Variants in EFCAB14 observed in about 807,000 individuals in gnomAD.
The protein encoded by EFCAB14 is EF-hand calcium binding domain 14, also known as EF-hand calcium-binding domain-containing protein 14.
A neutral mutation model predicts 56.5 loss-of-function variants in EFCAB14; 43 were observed. The observed-to-expected ratio is 0.76, with a 90% confidence interval of 0.60 to 0.98. The LOEUF is 0.98. Ranked by LOEUF, EFCAB14 falls within the 50% of genes least tolerant of loss-of-function variation. EFCAB14 has a pLI of 0.00. For missense variants in EFCAB14, 538 were observed against 580.3 expected, an observed-to-expected ratio of 0.93 and a Z score of 0.75; for synonymous variants, 235 against 212.9, an observed-to-expected ratio of 1.10 and a Z score of -0.90.
chr1:46,715,990 G>A (rs572152894), intron 2 of EFCAB14, among the ~76,000 whole-genome samples: 21 of 152,176 alleles, frequency 1.4e-4, no homozygotes, highest in Middle Eastern at 3.4e-3. Flanking sequence ...GCTCACGCCT[G>A]TAATCCTGGC....
Position 46,716,270 on chromosome 1 carries a change from AAAAAG to A in EFCAB14, c.334+20_334+24del. 2.6e-6 allele frequency: 4 copies of A among 1,521,076 alleles called. No homozygotes were observed. Among genetic ancestry groups the A allele is most frequent in the East Asian group, 4.7e-5 (2 of 42,656 alleles). The allele number at this position is 1,521,076 out of a possible 1,614,324, so 94.2% of individuals were successfully genotyped here. Reference sequence around the variant, plus strand: ...TCTCAAAAAAAAAAAAAAAAAAAAAAAAAAGAGAGTAACCACTTACTTACTTGTTC... The same window carrying A: ...TCTCAAAAAAAAAAAAAAAAAAAAAAAGAGTAACCACTTACTTACTTGTTC... On this transcript the variant is annotated intron_variant, in intron 2 of 10. Transcript: ENST00000371933.
In EFCAB14 at chr1:46,696,123, T is replaced by TA. The variant is rs1363762245; in HGVS notation, c.579+427dup. On this transcript the variant is annotated intron_variant, in intron 4 of 10. Transcript: ENST00000371933. ...CCAGGTCATCTTTTTTTTTTTTTTT[T>TA]AACTTTCTTAATTATGGAAAGTAAC... is the stretch of plus-strand genomic sequence containing the variant. Among the ~76,000 whole-genome samples, 3 of 151,606 alleles carry TA rather than the reference T, an allele frequency of 2.0e-5. No individual in the cohort carries two copies. In the East Asian group the frequency reaches 5.8e-4, roughly 29 times the overall value.
rs756776637 is a variant in EFCAB14 at position 46,683,386 on chromosome 1, G to T, written c.1226C>A (p.Pro409Gln). ...ESFTSKPSAL[P>Q]KFSQFLGDPV... ...GTCTCCAAGAAACTGTGAAAATTTTGGCAATGCTGATGGCTTTGATGTGAA... is the reference window on the plus strand; with the variant it reads ...GTCTCCAAGAAACTGTGAAAATTTTTGCAATGCTGATGGCTTTGATGTGAA... Residue 409 changes from proline to glutamine, a missense_variant, in exon 10 of 11, where the codon CCA (proline) becomes CAA (glutamine). Pro to Gln is a moderately conservative substitution (Grantham distance 76). Transcript: ENST00000371933. 2.6e-5 allele frequency: 42 copies of T among 1,613,866 alleles called. No individual in the cohort carries two copies. Among genetic ancestry groups the T allele is most frequent in the Non-Finnish European group, 3.4e-5 (40 of 1,179,974 alleles).
rs1407500246 is a variant in EFCAB14 at position 46,677,175 on chromosome 1, G to A, written c.*1286C>T. 2 of 152,578 alleles carry A rather than the reference G, an allele frequency of 1.3e-5. No homozygotes were observed. The highest frequency in any genetic ancestry group is 2.4e-5 in the African/African-American group (1 of 41,424). The allele number at this position is 152,578 out of a possible 1,614,324, so 9.5% of individuals were successfully genotyped here. ...GATCTTTCATGCCAGGTCCACAGAA[G>A]CATTTAAAGGAAGTATTGTACTTGA... On this transcript the variant is annotated 3_prime_UTR_variant, in exon 11 of 11. Coordinates refer to ENST00000371933, the MANE Select transcript of EFCAB14 (RefSeq NM_014774.3).
chr1:46,694,315 T>C (rs1677045724), intron 4 of EFCAB14, among the ~76,000 whole-genome samples: 1 of 152,202 alleles, frequency 6.6e-6, no homozygotes, highest in South Asian at 2.1e-4. Flanking sequence ...AAGAAAATTT[T>C]TGCAATCTCC....
rs11806104 is a variant in EFCAB14, at chr1:46,709,971, G to A, written c.335-1920C>T. Among the ~76,000 whole-genome samples, 899 of 152,132 alleles carry A rather than the reference G, an allele frequency of 5.9e-3. 5 individuals carry two copies. The highest frequency in any genetic ancestry group is 0.021 in the African/African-American group (860 of 41,500). ...CCACCGCACTCCAGCCTGTGCGGCC[G>A]GAGCGAGACTCCATCTCAAAAACAA... On this transcript the variant is annotated intron_variant, in intron 2 of 10. Coordinates refer to ENST00000371933, the MANE Select transcript of EFCAB14 (RefSeq NM_014774.3).
chr1:46,712,144 T>C (rs927993898), intron 2 of EFCAB14, among the ~76,000 whole-genome samples: 1 of 152,208 alleles, frequency 6.6e-6, no homozygotes, highest in African/African-American at 2.4e-5. Context: ...CTAGGACCAG[T>C]ACTTTTTCTA....
intron 2 of EFCAB14, 77 bp from the exon 3 acceptor site, chr1:46,708,128 A>T: frequency 1.5e-6 from 2 of 1,360,004 alleles, no homozygotes; most frequent in Non-Finnish European, 2.0e-6. Flanking sequence ...ATCATCAAAC[A>T]GTAGGAAAGA....
At chr1:46,701,837 A>T (rs938172114) in intron 3 of EFCAB14, among the ~76,000 whole-genome samples, 1 of 152,236 alleles carries the variant, frequency 6.6e-6, no homozygotes, top group African/African-American at 2.4e-5. Flanking sequence ...ACTGTTCCCT[A>T]GGACTTGGCT....
chr1:46,701,784 A>T (rs1677162314), intron 3 of EFCAB14, among the ~76,000 whole-genome samples: 1 of 152,238 alleles, frequency 6.6e-6, no homozygotes, highest in South Asian at 2.1e-4. Context: ...GGTACCAAAC[A>T]TCACTTAGGT....
At position 46,692,953 on chromosome 1, in the gene EFCAB14, C is replaced by A. The variant is rs180777984; in HGVS notation, c.580-1016G>T. ...TCTCTCACAAACTGCCTCTGTCAAT[C>A]CCTGCTGTGGGAAGGCAGATGGCCG... On this transcript the variant is annotated intron_variant, in intron 4 of 10. Transcript: ENST00000371933. Among the ~76,000 whole-genome samples, 6 of 152,324 alleles carry A rather than the reference C, an allele frequency of 3.9e-5. No homozygotes were observed. The East Asian group carries it at 1.2e-3, about 29-fold the overall frequency.
chr1:46,704,624 C>G (rs992972568), intron 3 of EFCAB14, among the ~76,000 whole-genome samples: 5 of 152,160 alleles, frequency 3.3e-5, no homozygotes, highest in Non-Finnish European at 7.3e-5. Context: ...GACTTCCCAG[C>G]CCCTGTTGTT....
intron 3 of EFCAB14, among the ~76,000 whole-genome samples, chr1:46,698,494 G>T (rs1677107848): frequency 6.6e-6 from 1 of 152,164 alleles, no homozygotes; most frequent in African/African-American, 2.4e-5. Flanking sequence ...CTTGACAGGA[G>T]TGACTGGGTA....
chr1:46,700,978 AGT>A (rs1553123113), intron 3 of EFCAB14, among the ~76,000 whole-genome samples: 5 of 95,188 alleles, frequency 5.3e-5, no homozygotes, highest in African/African-American at 2.3e-4. Context: ...AGAGAGAGAG[AGT>A]GAGTGAGTGT....
In EFCAB14 at chr1:46,691,919, T is replaced by C. The variant is rs1464082796; in HGVS notation, c.598A>G (p.Asn200Asp). ...GLQKSVASIG[N>D]TLNSVHLAVE... ...GCAAGATGGACGCTGTTTAAAGTAT[T>C]GCCAATGGAAGCTACACTCTGAATG... Residue 200 changes from asparagine (N) to aspartate (D), a missense_variant, in exon 5 of 11, where the codon AAT becomes GAT. Coordinates refer to ENST00000371933, the MANE Select transcript of EFCAB14 (RefSeq NM_014774.3). 2 of 1,613,102 alleles carry C rather than the reference T, an allele frequency of 1.2e-6. No homozygotes were observed. The highest frequency in any genetic ancestry group is 1.3e-5 in the African/African-American group (1 of 74,854).
chr1:46,681,610 A>C (rs1239357667), intron 10 of EFCAB14, among the ~76,000 whole-genome samples: 2 of 152,072 alleles, frequency 1.3e-5, no homozygotes, highest in Non-Finnish European at 2.9e-5. Context: ...GCAGGAAAGC[A>C]GTGGGACACT....
rs1367664705 is a variant in EFCAB14 at position 46,696,578 on chromosome 1, C to T, written c.552G>A (p.Leu184=). 6.2e-7 allele frequency: 1 copy of T among 1,613,572 alleles called. No individual in the cohort carries two copies. The highest frequency in any genetic ancestry group is 1.3e-5 in the African/African-American group (1 of 74,996). ...TCTGAAGTCCCTCTACAGTGGTAGG[C>T]AGGCTAATCAAGTCTGCAGCTGACT... ...NVKSAADLIS[L]PTTVEGLQKS... The change falls in exon 4 of 11, where the codon CTG becomes CTA. Residue 184 remains leucine, a synonymous_variant. Coordinates refer to ENST00000371933, the MANE Select transcript of EFCAB14 (RefSeq NM_014774.3).
intron 3 of EFCAB14, among the ~76,000 whole-genome samples, chr1:46,702,227 C>T (rs959651152): frequency 6.6e-6 from 1 of 152,168 alleles, no homozygotes; most frequent in Admixed American, 6.5e-5. Context: ...TCATTTTATA[C>T]TATGAAGTTG....
At chr1:46,700,694 G>A (rs1040494860) in intron 3 of EFCAB14, among the ~76,000 whole-genome samples, 5 of 152,086 alleles carry the variant, frequency 3.3e-5, no homozygotes, top group Non-Finnish European at 5.9e-5. Context: ...AATAGCTCAT[G>A]TACATGATAT....
Sources: allele counts gnomAD v4.1 joint callset (sites outside exome capture counted in the v4.1 genomes callset), GRCh38; gene constraint gnomAD v4.1.1; transcripts MANE v1.5; gene names NCBI Gene and HGNC (gene_info 2026-07-23, HGNC 2026-07-21).